Variants in ZBBX observed in about 807,000 individuals in gnomAD.
The protein encoded by ZBBX is zinc finger B-box domain-containing protein 1.
Under a neutral mutation model 108.5 loss-of-function variants are expected in ZBBX, and 101 were observed. That is an observed-to-expected ratio of 0.93 (90% CI 0.79 to 1.10). The LOEUF (loss-of-function observed/expected upper bound fraction) is 1.10, where lower values mean the gene tolerates loss of function less well. ZBBX is among the 50% of genes least tolerant of loss of function. The pLI is 0.00. For missense variants in ZBBX, 1,009 were observed against 941.4 expected (o/e 1.07, Z -0.94); for synonymous variants, 356 against 323.4 (o/e 1.10, Z -1.08).
At chr3:167,389,576 C>A (rs1315917721) in intron 1 of ZBBX, among the ~76,000 whole-genome samples, 1 of 152,156 alleles carries the variant, frequency 6.6e-6, no homozygotes, top group Admixed American at 6.5e-5. Flanking sequence ...ATTGGTTGAA[C>A]TAATTTACAC....
chr3:167,272,642 A>T (rs1374939154), intron 20 of ZBBX, among the ~76,000 whole-genome samples: 1 of 152,194 alleles, frequency 6.6e-6, no homozygotes, highest in Non-Finnish European at 1.5e-5. Context: ...TAATTAACTA[A>T]ATCAAACACA....
rs182450562 is a variant in ZBBX, at chr3:167,290,281, G to A, written c.1880-1298C>T. Among the ~76,000 whole-genome samples, 46 of 152,256 alleles carry A rather than the reference G, an allele frequency of 3.0e-4. No individual in the cohort carries two copies. In the South Asian group the frequency reaches 7.3e-3, roughly 24 times the overall value. ...TGGGAGACAACTCCCAGCAGAGGCC[G>A]ACAGACACCTCTTACAGGAGAGCTC... On this transcript the variant is annotated intron_variant, in intron 18 of 21. Transcript: ENST00000675490.
chr3:167,216,648 A>T, the ZBBX span, among the ~76,000 whole-genome samples: 1 of 152,176 alleles, frequency 6.6e-6, no homozygotes, highest in Non-Finnish European at 1.5e-5. Context: ...GAACAAAAAA[A>T]AGAGCCTGAA....
At chr3:167,248,273 G>A (rs893564195) in intron 20 of ZBBX, among the ~76,000 whole-genome samples, 2 of 152,140 alleles carry the variant, frequency 1.3e-5, no homozygotes, top group African/African-American at 2.4e-5. Context: ...CAGGGTCAAC[G>A]AATGGGTGCT....
chr3:167,326,167 C>A (rs144496832), intron 11 of ZBBX, among the ~76,000 whole-genome samples: 2 of 152,234 alleles, frequency 1.3e-5, no homozygotes, highest in Non-Finnish European at 2.9e-5. Flanking sequence ...CTGATTAAAT[C>A]ATGCCATATA....
chr3:167,229,753 T>C, the ZBBX span, among the ~76,000 whole-genome samples: 1 of 151,826 alleles, frequency 6.6e-6, no homozygotes. Flanking sequence ...GTTTTGCTTT[T>C]GATATTTTAT....
At chr3:167,208,264 C>A in the ZBBX span, among the ~76,000 whole-genome samples, 7 of 152,192 alleles carry the variant, frequency 4.6e-5, no homozygotes, top group Non-Finnish European at 7.3e-5. Context: ...CTGGGCCAGT[C>A]CTGGTGCTGT....
chr3:167,233,373 G>A, the ZBBX span, among the ~76,000 whole-genome samples: 6 of 151,474 alleles, frequency 4.0e-5, no homozygotes, highest in African/African-American at 1.5e-4. Flanking sequence ...TCAGAGTAAA[G>A]CTGAGAGGAA....
At chr3:167,343,693 T>C (rs1017248617) in intron 9 of ZBBX, among the ~76,000 whole-genome samples, 1 of 151,894 alleles carries the variant, frequency 6.6e-6, no homozygotes, top group African/African-American at 2.4e-5. Context: ...ATTACTAGGA[T>C]GTTAGACCAA....
chr3:167,310,632 C>T (rs55956180), intron 16 of ZBBX, among the ~76,000 whole-genome samples: 2,545 of 152,072 alleles, frequency 0.017, 73 homozygotes, highest in African/African-American at 0.058. Flanking sequence ...TCAGAGCTCA[C>T]GAGGACTCAC....
At chr3:167,185,131 C>G in the ZBBX span, among the ~76,000 whole-genome samples, 3 of 152,140 alleles carry the variant, frequency 2.0e-5, no homozygotes, top group African/African-American at 7.2e-5. Flanking sequence ...AAACGTTTCT[C>G]CACTGTAGAA....
chr3:167,389,211 G>A lies in ZBBX; in HGVS notation c.-445-8806C>T, dbSNP rs956990591. ...TTCTCACTGTTCAACTCCCACTTATGAGTGAGAACATGCAGTGTTTGGTTT... is the reference window on the plus strand; with the variant it reads ...TTCTCACTGTTCAACTCCCACTTATAAGTGAGAACATGCAGTGTTTGGTTT... On this transcript the variant is annotated intron_variant, in intron 1 of 21. Coordinates refer to the ZBBX transcript ENST00000455345. Among the ~76,000 whole-genome samples, 15 of 152,106 alleles carry A rather than the reference G, an allele frequency of 9.9e-5. No individual in the cohort carries two copies. In the South Asian group the frequency reaches 2.5e-3, roughly 25 times the overall value.
chr3:167,398,647 G>A (rs192058769), intron 1 of ZBBX, among the ~76,000 whole-genome samples: 78 of 152,004 alleles, frequency 5.1e-4, no homozygotes, highest in Admixed American at 2.0e-4. Context: ...ATGATAGCAC[G>A]TGAAAAAAAT....
At chr3:167,234,319 A>G in the ZBBX span, among the ~76,000 whole-genome samples, 1 of 151,926 alleles carries the variant, frequency 6.6e-6, no homozygotes, top group African/African-American at 2.4e-5. Flanking sequence ...TGAAATAAAT[A>G]TATTGTATCA....
At chr3:167,407,076 T>C (rs533104956) in intron 1 of ZBBX, among the ~76,000 whole-genome samples, 16 of 152,290 alleles carry the variant, frequency 1.1e-4, no homozygotes, top group African/African-American at 3.8e-4. Flanking sequence ...AGTTAATGCT[T>C]GCCCAGTCTG....
chr3:167,405,596 A>G (rs1282070026), intron 1 of ZBBX, among the ~76,000 whole-genome samples: 1 of 152,152 alleles, frequency 6.6e-6, no homozygotes, highest in Non-Finnish European at 1.5e-5. Flanking sequence ...TAAAAATATG[A>G]AGGTGAAGAA....
At chr3:167,297,902 A>T (rs764051295) in intron 18 of ZBBX, among the ~76,000 whole-genome samples, 20 of 151,994 alleles carry the variant, frequency 1.3e-4, no homozygotes, top group Non-Finnish European at 2.7e-4. Flanking sequence ...AAGAACAAGT[A>T]TTGTCAAGAA....
chr3:167,221,887 T>C, the ZBBX span, among the ~76,000 whole-genome samples: 1 of 151,930 alleles, frequency 6.6e-6, no homozygotes, highest in Non-Finnish European at 1.5e-5. Flanking sequence ...CCAATTAAAA[T>C]GGTTTTTATC....
chr3:167,397,806 T>TAA (rs1034720213), intron 1 of ZBBX, among the ~76,000 whole-genome samples: 1 of 112,550 alleles, frequency 8.9e-6, no homozygotes, highest in Admixed American at 8.8e-5. Flanking sequence ...TTTGGAGAAA[T>TAA]AAAAAAAAAA....
Sources: gnomAD v4.1 joint callset for allele counts (sites outside exome capture counted in the v4.1 genomes callset) on GRCh38, gnomAD v4.1.1 for gene constraint, MANE v1.5 for transcripts, NCBI Gene and HGNC (gene_info 2026-07-23, HGNC 2026-07-21) for gene names.